The following CPNE2 variants were observed in gnomAD, a reference collection of about 807,000 sequenced individuals.
CPNE2 encodes the protein copine-2.
A neutral mutation model predicts 69.7 loss-of-function variants in CPNE2; 42 were observed. The ratio of observed to expected loss-of-function variants is 0.60; its 90% confidence interval spans 0.47 to 0.78. The LOEUF is 0.78. CPNE2 is among the 30% of genes least tolerant of loss of function. The pLI, the probability that CPNE2 is intolerant of heterozygous loss-of-function variation, is 0.00. For missense variants in CPNE2, 587 were observed against 732.0 expected, an observed-to-expected ratio of 0.80 and a Z score of 2.29; for synonymous variants, 294 against 289.8, an observed-to-expected ratio of 1.01 and a Z score of -0.15.
chr16:57,123,391 C>T (rs775851863), intron 9 of CPNE2, 23 bp from the exon 10 acceptor site: 1 of 1,611,578 alleles, frequency 6.2e-7, no homozygotes, highest in Non-Finnish European at 8.5e-7. Flanking sequence ...AGGGGACCCA[C>T]TGACTCATCC....
chr16:57,119,748 A>C (rs1338327554), intron 7 of CPNE2, 98 bp downstream of exon 7: 13 of 765,142 alleles, frequency 1.7e-5, no homozygotes, highest in Non-Finnish European at 2.5e-5. Flanking sequence ...GCTCTTTCTC[A>C]TACAAGTGGA....
chr16:57,119,368 C>T lies in CPNE2; in HGVS notation c.591+90C>T, dbSNP rs202197592. The T allele has an allele frequency of 5.6e-5, 78 of 1,384,680 alleles. No individual in the cohort carries two copies. In the East Asian group the frequency reaches 7.8e-4, roughly 14 times the overall value. The allele number at this position is 1,384,680 out of a possible 1,614,324, so 85.8% of individuals were successfully genotyped here. On this transcript the variant is annotated intron_variant, in intron 6 of 15. Transcript: ENST00000290776. The stretch of plus-strand genomic sequence containing the variant: ...TGAAAAAGGGAGGTGCGGTCACAGC[C>T]GCTCAGTGTGCAGGAAAACCCACAG...
chr16:57,138,124 G>T (rs2069896440), intron 14 of CPNE2, among the ~76,000 whole-genome samples: 1 of 152,194 alleles, frequency 6.6e-6, no homozygotes, highest in Non-Finnish European at 1.5e-5. Flanking sequence ...CAGGCACCCA[G>T]CCCAGATGCT....
chr16:57,101,956 T>TTC (rs2069616973), intron 1 of CPNE2, among the ~76,000 whole-genome samples: 1 of 151,734 alleles, frequency 6.6e-6, no homozygotes, highest in South Asian at 2.1e-4. Context: ...TTTTCTTTTT[T>TTC]TTTTTTTTGA....
At chr16:57,120,434 C>T (rs1157670653) in intron 7 of CPNE2, among the ~76,000 whole-genome samples, 1 of 113,150 alleles carries the variant, frequency 8.8e-6, no homozygotes, top group East Asian at 2.7e-4. Context: ...TAGTAGAGAC[C>T]GTCTCAAAAA....
At chr16:57,103,097 C>T (rs76296421) in intron 1 of CPNE2, among the ~76,000 whole-genome samples, 2,775 of 152,250 alleles carry the variant, frequency 0.018, 34 homozygotes, top group Non-Finnish European at 0.027. Flanking sequence ...GTTACTGCCA[C>T]CAGCAAAACA....
At chr16:57,110,631 G>C in intron 1 of CPNE2, 77 bp from the exon 2 acceptor site, 2 of 970,506 alleles carry the variant, frequency 2.1e-6, no homozygotes, top group South Asian at 4.1e-5. Flanking sequence ...TTAAAGGCCA[G>C]GTGGTAATGC....
intron 10 of CPNE2, chr16:57,125,619 C>A: frequency 1.8e-6 from 1 of 555,330 alleles, no homozygotes. Flanking sequence ...GTACGTTAGT[C>A]TCTTATGTCA....
chr16:57,110,323 CA>C (rs2069672962), intron 1 of CPNE2, among the ~76,000 whole-genome samples: 1 of 149,446 alleles, frequency 6.7e-6, no homozygotes. Flanking sequence ...CTACTGGCCT[CA>C]AGCAATCCTC....
intron 14 of CPNE2, 128 bp downstream of exon 14, chr16:57,137,410 C>A (rs1346390980): frequency 2.4e-6 from 3 of 1,246,096 alleles, no homozygotes; most frequent in Admixed American, 5.0e-5. Context: ...TTTACCTTCA[C>A]GTATTGTAAA....
intron 13 of CPNE2, 54 bp from the exon 14 acceptor site, chr16:57,137,095 A>G: frequency 1.3e-6 from 2 of 1,595,442 alleles, no homozygotes; most frequent in East Asian, 4.5e-5. Context: ...GTGAGATGAG[A>G]GTGGGTATGG....
At chr16:57,113,881 A>G (rs1241323953) in intron 3 of CPNE2, among the ~76,000 whole-genome samples, 3 of 152,218 alleles carry the variant, frequency 2.0e-5, no homozygotes, top group African/African-American at 7.2e-5. Flanking sequence ...AAGCTCCTGG[A>G]GGCCGGGAGC....
Position 57,130,884 on chromosome 16 carries a change from G to A in CPNE2, c.1116+2981G>A, listed in dbSNP as rs577232362. Among the ~76,000 whole-genome samples the A allele has an allele frequency of 6.8e-4, 103 of 152,178 alleles. No individual in the cohort carries two copies. Among genetic ancestry groups the A allele is most frequent in the Non-Finnish European group, 1.2e-3 (79 of 68,004 alleles). ...AGGCTGAGGAGGAGCCAGGAGAGGC[G>A]TGGAGGTGAATTGAAGCGGGGGTCC... On this transcript the variant is annotated intron_variant, in intron 12 of 15. Transcript: ENST00000290776. The surrounding 1 kb of genome is among the most constrained non-coding windows in gnomAD (Gnocchi z 4.1).
intron 1 of CPNE2, among the ~76,000 whole-genome samples, chr16:57,097,237 C>T (rs2069583344): frequency 1.3e-5 from 2 of 152,152 alleles, no homozygotes; most frequent in African/African-American, 4.8e-5. Flanking sequence ...CTGAGATTTC[C>T]TGCCCTTGTC....
At chr16:57,134,739 G>A (rs2305694) in intron 12 of CPNE2, 36 bp from the exon 13 acceptor site, 53,201 of 1,613,124 alleles carry the variant, frequency 0.033, 2,928 homozygotes, top group East Asian at 0.23. Flanking sequence ...GTTTGGGGGC[G>A]GGAGGCTGCA....
chr16:57,144,224 C>T (rs1348560578), intron 14 of CPNE2: 2 of 152,274 alleles, frequency 1.3e-5, no homozygotes, highest in Admixed American at 6.5e-5. Context: ...TATCCCCAGC[C>T]AAGGGATTGG....
At chr16:57,125,570 G>A (rs551428781) in intron 10 of CPNE2, 28 of 456,672 alleles carry the variant, frequency 6.1e-5, no homozygotes, top group South Asian at 5.7e-4. Flanking sequence ...AGATGAATGT[G>A]TGGATAGGGA....
At position 57,113,341 on chromosome 16, in the gene CPNE2, G is replaced by A. The variant is rs372815659; in HGVS notation, c.234G>A (p.Lys78=). The A allele has an allele frequency of 3.1e-6, 5 of 1,614,062 alleles. No individual in the cohort carries two copies. Among genetic ancestry groups the A allele is most frequent in the Non-Finnish European group, 4.2e-6 (5 of 1,180,042 alleles). ...ACCTCAACCCCGCCTTCTCCAAGAA[G>A]TTCGTGCTTGACTACCACTTCGAGG... ...INNLNPAFSK[K]FVLDYHFEEV... is the part of the protein sequence containing the mutation. The change falls in exon 3 of 16, where the codon AAG becomes AAA. Residue 78 remains lysine (K), a synonymous_variant. Coordinates refer to ENST00000290776, the MANE Select transcript of CPNE2 (RefSeq NM_152727.6).
At chr16:57,142,442 T>A (rs1458144694) in intron 14 of CPNE2, 5 of 152,202 alleles carry the variant, frequency 3.3e-5, no homozygotes, top group African/African-American at 1.2e-4. Flanking sequence ...AAGGAATGTG[T>A]TGAAAGAGGA....
Sources: gnomAD v4.1 joint callset for allele counts (sites outside exome capture counted in the v4.1 genomes callset) on GRCh38, gnomAD v4.1.1 for gene constraint, Gnocchi (gnomAD v3.1) non-coding constraint, MANE v1.5 for transcripts, NCBI Gene and HGNC (gene_info 2026-07-23, HGNC 2026-07-21) for gene names.